The following MIOS variants were observed in gnomAD, a reference collection of about 807,000 sequenced individuals.
MIOS encodes the protein meiosis regulator for oocyte development.
A neutral mutation model predicts 96.9 loss-of-function variants in MIOS; 52 were observed. The ratio of observed to expected loss-of-function variants is 0.54; its 90% CI spans 0.43 to 0.68. The LOEUF (loss-of-function observed/expected upper bound fraction) is 0.68. Among genes scored for constraint, MIOS ranks in the 30% least tolerant of loss-of-function variants. MIOS has a pLI of 0.00. For missense variants in MIOS, 1,005 were observed against 1,052.8 expected, an observed-to-expected ratio of 0.95 and a Z score of 0.63; for synonymous variants, 397 against 359.5, an observed-to-expected ratio of 1.10 and a Z score of -1.18.
chr7:7,592,231 T>G (rs1159408249), intron 9 of MIOS, among the ~76,000 whole-genome samples: 1 of 152,214 alleles, frequency 6.6e-6, no homozygotes, highest in Non-Finnish European at 1.5e-5. Context: ...TCAAGTGATC[T>G]GCCCGCCTCG....
rs140136043 is a variant in MIOS, at chr7:7,606,862, G to A, written c.2532-134G>A. On this transcript the variant is annotated intron_variant, in intron 12 of 12. Coordinates refer to ENST00000340080, the MANE Select transcript of MIOS (RefSeq NM_019005.4). ...GCTACTCAGGAGGCTGAGGCAGGAG[G>A]ATCACTTGAGCCCAAAAGTGTGCGT... is the stretch of plus-strand genomic sequence containing the variant. 1.1e-3 allele frequency: 724 copies of A among 651,956 alleles called. 4 individuals carry two copies. The highest frequency in any genetic ancestry group is 2.9e-3 in the Middle Eastern group (7 of 2,374). 40.4% of individuals were successfully genotyped at this position (651,956 alleles called of 1,614,324 possible).
intron 3 of MIOS, among the ~76,000 whole-genome samples, chr7:7,570,000 G>A (rs1783295625): frequency 6.6e-6 from 1 of 151,566 alleles, no homozygotes; most frequent in Admixed American, 6.6e-5. Flanking sequence ...ACTAAGAGCA[G>A]CTGAAGACCA....
chr7:7,599,388 AC>A (rs1784305813), intron 11 of MIOS, among the ~76,000 whole-genome samples: 2 of 152,174 alleles, frequency 1.3e-5, no homozygotes, highest in African/African-American at 4.8e-5. Flanking sequence ...ACACATCTAA[AC>A]CCCCAACATG....
At chr7:7,575,560 C>A (rs904596123) in intron 5 of MIOS, among the ~76,000 whole-genome samples, 8 of 152,076 alleles carry the variant, frequency 5.3e-5, no homozygotes, top group African/African-American at 1.9e-4. Flanking sequence ...GATTTTAGAG[C>A]CATTGCCTAT....
intron 9 of MIOS, among the ~76,000 whole-genome samples, chr7:7,591,539 G>A (rs562501210): frequency 1.1e-4 from 17 of 151,936 alleles, no homozygotes; most frequent in African/African-American, 3.6e-4. Flanking sequence ...CCCGGCCTCC[G>A]AAAGTGTTAG....
intron 5 of MIOS, chr7:7,581,790 T>G (rs1276544699): frequency 6.6e-6 from 1 of 152,218 alleles, no homozygotes; most frequent in Non-Finnish European, 1.5e-5. Context: ...GAGATCTGTC[T>G]CCTGCTGCTT....
intron 11 of MIOS, among the ~76,000 whole-genome samples, chr7:7,602,760 A>C (rs1784416936): frequency 6.6e-6 from 1 of 152,170 alleles, no homozygotes; most frequent in Non-Finnish European, 1.5e-5. Flanking sequence ...CCGCATTGCC[A>C]AGTCAATCCC....
At chr7:7,597,316 ACT>A (rs1583653033) in intron 11 of MIOS, among the ~76,000 whole-genome samples, 1 of 118,838 alleles carries the variant, frequency 8.4e-6, no homozygotes, top group African/African-American at 3.2e-5. Context: ...ACAGAGCAAG[ACT>A]CTGTCCTAAA....
chr7:7,580,187 T>G (rs1179963784), intron 5 of MIOS, among the ~76,000 whole-genome samples: 2 of 152,228 alleles, frequency 1.3e-5, no homozygotes, highest in Admixed American at 1.3e-4. Flanking sequence ...TTTAAATTTG[T>G]TATTCAGAAT....
At chr7:7,571,239 A>T (rs998069936) in intron 3 of MIOS, among the ~76,000 whole-genome samples, 4 of 152,198 alleles carry the variant, frequency 2.6e-5, no homozygotes, top group African/African-American at 9.6e-5. Context: ...TTTGTAGGCA[A>T]CCTTAATTAT....
At chr7:7,568,836 C>G (rs1020946323) in intron 3 of MIOS, among the ~76,000 whole-genome samples, 4 of 152,134 alleles carry the variant, frequency 2.6e-5, no homozygotes, top group South Asian at 2.1e-4. Context: ...AGTTTTGATT[C>G]TGTATGAATT....
intron 5 of MIOS, among the ~76,000 whole-genome samples, chr7:7,575,419 C>T (rs1783497611): frequency 6.6e-6 from 1 of 151,596 alleles, no homozygotes; most frequent in Non-Finnish European, 1.5e-5. Flanking sequence ...AGCCCTCCAC[C>T]AAAAAAAGTA....
chr7:7,580,725 C>T (rs1379213405), intron 5 of MIOS, among the ~76,000 whole-genome samples: 2 of 132,584 alleles, frequency 1.5e-5, no homozygotes, highest in Non-Finnish European at 3.1e-5. Context: ...GAGACAGAAT[C>T]TCACTCTGTC....
At chr7:7,594,399 C>T (rs1023584078) in intron 9 of MIOS, among the ~76,000 whole-genome samples, 15 of 151,984 alleles carry the variant, frequency 9.9e-5, no homozygotes, top group African/African-American at 3.6e-4. Context: ...TTCCGCCTCC[C>T]GGTTCAGGCA....
chr7:7,567,476 TG>T (rs1783184312), intron 1 of MIOS, 130 bp from the exon 2 acceptor site: 1 of 140,592 alleles, frequency 7.1e-6, no homozygotes, highest in South Asian at 2.1e-4. Context: ...TTAAACGGCC[TG>T]TCTCCCGGTG....
intron 11 of MIOS, among the ~76,000 whole-genome samples, chr7:7,597,294 C>G (rs1207802717): frequency 6.7e-6 from 1 of 149,060 alleles, no homozygotes; most frequent in Non-Finnish European, 1.5e-5. Flanking sequence ...CCACTGCACT[C>G]CAGCCTGGGC....
Position 7,585,659 on chromosome 7 carries a change from G to A in MIOS, c.1672G>A (p.Ala558Thr). The A allele has an allele frequency of 1.3e-6, 2 of 1,590,326 alleles. No individual in the cohort carries two copies. The highest frequency in any genetic ancestry group is 1.4e-5 in the African/African-American group (1 of 73,606). The stretch of plus-strand genomic sequence containing the variant: ...AGGAGATCTGAATCTCAATGTGGTA[G>A]CAATGGCTTTATCGGGTTATACGGA... ...EKGDLNLNVV[A>T]MALSGYTDEK... Residue 558 changes from alanine to threonine, a missense_variant, in exon 7 of 13, where the codon GCA becomes ACA. Coordinates refer to ENST00000340080, the MANE Select transcript of MIOS (RefSeq NM_019005.4).
At chr7:7,594,882 T>A in intron 9 of MIOS, 98 bp from the exon 10 acceptor site, 102 of 573,978 alleles carry the variant, frequency 1.8e-4, no homozygotes, top group Middle Eastern at 5.9e-4. Flanking sequence ...AAAAAAGGCC[T>A]ATTTCTTCTG....
chr7:7,601,687 A>G (rs1455138353), intron 11 of MIOS, among the ~76,000 whole-genome samples: 2 of 152,214 alleles, frequency 1.3e-5, no homozygotes, highest in East Asian at 3.8e-4. Flanking sequence ...ATTCCAATCA[A>G]TAGAAAAAGA....
Sources: allele counts gnomAD v4.1 joint callset (sites outside exome capture counted in the v4.1 genomes callset), GRCh38; gene constraint gnomAD v4.1.1; transcripts MANE v1.5; gene names NCBI Gene and HGNC (gene_info 2026-07-23, HGNC 2026-07-21).